Variants in TMPRSS15 observed in about 807,000 individuals in gnomAD.
TMPRSS15 encodes transmembrane serine protease 15.
TMPRSS15 carries 128 observed loss-of-function variants against 125.3 expected under a neutral mutation model. The ratio of observed to expected loss-of-function variants is 1.02; its 90% CI spans 0.89 to 1.18. The LOEUF is 1.18. Ranked by LOEUF, TMPRSS15 falls within the 50% of genes most tolerant of loss-of-function variation. TMPRSS15 has a pLI of 0.00. For synonymous variants in TMPRSS15, 446 were observed against 423.2 expected (o/e 1.05, Z -0.66); for missense variants, 1,283 against 1,212.7 (o/e 1.06, Z -0.86).
chr21:18,471,926 T>A (rs1054361259), intron 1 of TMPRSS15, among the ~76,000 whole-genome samples: 2 of 151,922 alleles, frequency 1.3e-5, no homozygotes, highest in Non-Finnish European at 2.9e-5. Flanking sequence ...CCTGATGAGG[T>A]GAGGGTGAAG....
At chr21:18,272,672 T>A (rs1216602035) in intron 24 of TMPRSS15, among the ~76,000 whole-genome samples, 3 of 151,792 alleles carry the variant, frequency 2.0e-5, no homozygotes, top group Admixed American at 1.3e-4. Context: ...TTGCAGTGAG[T>A]GGAGATCATG....
At chr21:18,464,694 T>C (rs138232712) in intron 1 of TMPRSS15, among the ~76,000 whole-genome samples, 3,235 of 152,118 alleles carry the variant, frequency 0.021, 125 homozygotes, top group African/African-American at 0.074. Context: ...CATACACCCC[T>C]GCAAGACTAA....
chr21:18,366,498 T>C (rs2075739379), intron 6 of TMPRSS15, among the ~76,000 whole-genome samples: 1 of 152,342 alleles, frequency 6.6e-6, no homozygotes, highest in South Asian at 2.1e-4. Flanking sequence ...GCCTTTAATT[T>C]ATATCTGAAT....
chr21:18,384,482 A>AT (rs1375407394), intron 3 of TMPRSS15, among the ~76,000 whole-genome samples: 1 of 152,078 alleles, frequency 6.6e-6, no homozygotes, highest in Non-Finnish European at 1.5e-5. Context: ...TTCCCCCTTG[A>AT]TTTTATCCCC....
At chr21:18,300,813 C>T (rs895509863) in intron 18 of TMPRSS15, among the ~76,000 whole-genome samples, 1 of 151,880 alleles carries the variant, frequency 6.6e-6, no homozygotes, top group Non-Finnish European at 1.5e-5. Flanking sequence ...TAAACATATG[C>T]CTATTCTAGA....
At chr21:18,350,236 T>A (rs989958255) in intron 10 of TMPRSS15, among the ~76,000 whole-genome samples, 7 of 152,166 alleles carry the variant, frequency 4.6e-5, no homozygotes, top group African/African-American at 1.7e-4. Context: ...AATAACTTAT[T>A]CAAAGAAGAT....
chr21:18,392,625 C>T lies in TMPRSS15; in HGVS notation c.344+5254G>A, dbSNP rs887323993. Reference sequence around the variant, plus strand: ...AGTTCCAATGTCACTTCCACATTTTCGGTTATCTTTATGGCAGTACCCCAT... The same window carrying T: ...AGTTCCAATGTCACTTCCACATTTTTGGTTATCTTTATGGCAGTACCCCAT... On this transcript the variant is annotated intron_variant, in intron 3 of 24. Coordinates refer to ENST00000284885, the MANE Select transcript of TMPRSS15 (RefSeq NM_002772.3). 4.6e-5 allele frequency among the ~76,000 whole-genome samples: 7 copies of T among 152,144 alleles called. No individual in the cohort carries two copies. In the South Asian group the frequency reaches 6.2e-4, roughly 14 times the overall value.
chr21:18,278,784 AC>A (rs923890089), intron 23 of TMPRSS15, among the ~76,000 whole-genome samples, 179 bp downstream of exon 23: 9 of 152,156 alleles, frequency 5.9e-5, no homozygotes, highest in Non-Finnish European at 1.2e-4. Flanking sequence ...TGAAAGCTCT[AC>A]AGATACACAA....
At chr21:18,386,727 A>T (rs566962749) in intron 3 of TMPRSS15, among the ~76,000 whole-genome samples, 1 of 152,224 alleles carries the variant, frequency 6.6e-6, no homozygotes, top group South Asian at 2.1e-4. Context: ...CTCTCTCTCC[A>T]ATCCCCCATC....
chr21:18,376,625 C>T (rs1368020167), intron 5 of TMPRSS15, among the ~76,000 whole-genome samples: 1 of 152,068 alleles, frequency 6.6e-6, no homozygotes, highest in Non-Finnish European at 1.5e-5. Flanking sequence ...GCGGCTATTG[C>T]TGTAAGTAAC....
At chr21:18,346,485 A>G (rs1476993067) in intron 10 of TMPRSS15, among the ~76,000 whole-genome samples, 2 of 152,222 alleles carry the variant, frequency 1.3e-5, no homozygotes, top group Admixed American at 6.5e-5. Flanking sequence ...TTTAAAGGCC[A>G]CTATTACATC....
chr21:18,432,616 A>T (rs145995009), intron 1 of TMPRSS15, among the ~76,000 whole-genome samples: 2 of 152,298 alleles, frequency 1.3e-5, no homozygotes, highest in African/African-American at 4.8e-5. Flanking sequence ...GATTGGAGTT[A>T]TGCTTCCATA....
chr21:18,350,698 A>C (rs962567589), intron 10 of TMPRSS15, among the ~76,000 whole-genome samples: 2 of 151,978 alleles, frequency 1.3e-5, no homozygotes, highest in Non-Finnish European at 2.9e-5. Flanking sequence ...ACAAAGCTTC[A>C]TATTTTCCCA....
chr21:18,431,894 A>G (rs192295930), intron 1 of TMPRSS15, among the ~76,000 whole-genome samples: 1 of 152,272 alleles, frequency 6.6e-6, no homozygotes, highest in Admixed American at 6.5e-5. Flanking sequence ...TGCTACTTCC[A>G]CATATTGATT....
In TMPRSS15 at chr21:18,379,269, T is replaced by A. The variant is rs748238287; in HGVS notation, c.532+14A>T. ...TTTCTTTCAAAAAATAATAATAATA[T>A]TATTAAAACTGACCTGGAGTTGCCA... On this transcript the variant is annotated intron_variant, in intron 5 of 24. Transcript: ENST00000284885. 42 of 1,268,846 alleles carry A rather than the reference T, an allele frequency of 3.3e-5. No homozygotes were observed. Among genetic ancestry groups the A allele is most frequent in the Non-Finnish European group, 7.2e-6 (7 of 970,742 alleles). The allele number at this position is 1,268,846 out of a possible 1,614,324, so 78.6% of individuals were successfully genotyped here. A position where few individuals can be genotyped will look rare whatever the true frequency, so the allele number is the denominator to read the frequency against.
At chr21:18,297,106 A>G (rs2074916266) in intron 19 of TMPRSS15, among the ~76,000 whole-genome samples, 1 of 152,220 alleles carries the variant, frequency 6.6e-6, no homozygotes, top group South Asian at 2.1e-4. Flanking sequence ...AAAAATTACC[A>G]TTAATACCCA....
At chr21:18,472,902 G>A (rs893794526) in intron 1 of TMPRSS15, among the ~76,000 whole-genome samples, 2 of 152,008 alleles carry the variant, frequency 1.3e-5, no homozygotes, top group East Asian at 1.9e-4. Context: ...CACAATAATA[G>A]CACGTAAGAT....
At chr21:18,385,814 G>A (rs1316804263) in intron 3 of TMPRSS15, among the ~76,000 whole-genome samples, 2 of 151,912 alleles carry the variant, frequency 1.3e-5, no homozygotes, top group Non-Finnish European at 2.9e-5. Flanking sequence ...CACGATCTCC[G>A]CTCACTGCAA....
chr21:18,271,059 A>C (rs899123425), intron 24 of TMPRSS15, among the ~76,000 whole-genome samples: 4 of 152,168 alleles, frequency 2.6e-5, no homozygotes, highest in Non-Finnish European at 5.9e-5. Flanking sequence ...TATTTAAAGA[A>C]AAAAATGTAA....
Sources: allele counts gnomAD v4.1 joint callset (sites outside exome capture counted in the v4.1 genomes callset), GRCh38; gene constraint gnomAD v4.1.1; transcripts MANE v1.5; gene names NCBI Gene and HGNC (gene_info 2026-07-23, HGNC 2026-07-21).